Variants in PRKAG2 observed in about 807,000 individuals in gnomAD.
The protein encoded by PRKAG2 is protein kinase AMP-activated non-catalytic subunit gamma 2.
A neutral mutation model predicts 69.6 loss-of-function variants in PRKAG2; 26 were observed. The ratio of observed to expected loss-of-function variants is 0.37; its 90% CI spans 0.27 to 0.52. The LOEUF is 0.52. PRKAG2 is among the 20% of genes least tolerant of loss of function. The pLI is 0.90. For synonymous variants in PRKAG2, 293 were observed against 285.0 expected, an observed-to-expected ratio of 1.03 and a Z score of -0.28; for missense variants, 557 against 740.0, an observed-to-expected ratio of 0.75 and a Z score of 2.87.
At chr7:151,845,609 C>T (rs1164591221) in intron 1 of PRKAG2, among the ~76,000 whole-genome samples, 2 of 152,092 alleles carry the variant, frequency 1.3e-5, no homozygotes, top group East Asian at 1.9e-4. Flanking sequence ...GTGGGGGAGG[C>T]GCTGGGAAGG....
chr7:151,650,116 G>A (rs1193692475), intron 4 of PRKAG2, among the ~76,000 whole-genome samples: 7 of 152,100 alleles, frequency 4.6e-5, no homozygotes, highest in African/African-American at 1.7e-4. Context: ...AGCTACTCAG[G>A]AGCCTGAGGC....
At chr7:151,734,346 C>T (rs983579173) in intron 3 of PRKAG2, 2 of 152,214 alleles carry the variant, frequency 1.3e-5, no homozygotes, top group Non-Finnish European at 2.9e-5. Flanking sequence ...TTCCACTTAA[C>T]ACATCACATT....
At chr7:151,592,502 C>G (rs1186460239) in intron 6 of PRKAG2, among the ~76,000 whole-genome samples, 1 of 152,190 alleles carries the variant, frequency 6.6e-6, no homozygotes, top group Non-Finnish European at 1.5e-5. Flanking sequence ...TGGTGGCACA[C>G]CCTCGCATTC....
rs1806875712 is a variant in PRKAG2, at chr7:151,568,848, G to A, written c.1107-6C>T. The A allele has an allele frequency of 6.2e-7, 1 of 1,613,456 alleles. No individual in the cohort carries two copies. The highest frequency in any genetic ancestry group is 1.3e-5 in the African/African-American group (1 of 74,906). On this transcript the variant is annotated splice_polypyrimidine_tract_variant and splice_region_variant and intron_variant, in intron 10 of 15. Transcript: ENST00000287878. ...AGTATACAGCATCGAAGAGGCTGTG[G>A]GAGAAGTCATTAAAGTTGTTAGGAG...
At chr7:151,674,336 C>G (rs1248702111) in intron 4 of PRKAG2, among the ~76,000 whole-genome samples, 4 of 152,314 alleles carry the variant, frequency 2.6e-5, no homozygotes, top group African/African-American at 9.6e-5. Flanking sequence ...GCCTCCAGAA[C>G]AGTGAGACAG....
At position 151,572,796 on chromosome 7, in the gene PRKAG2, A is replaced by G. The variant is rs1584980607; in HGVS notation, c.1006-87T>C. On this transcript the variant is annotated intron_variant, in intron 8 of 15. Coordinates refer to ENST00000287878, the MANE Select transcript of PRKAG2 (RefSeq NM_016203.4). ...AAATGAAACAAAACATAGCTTGGAT[A>G]ATAGCATTTTCTATTCGCAATTAGA... 3.4e-6 allele frequency: 3 copies of G among 880,656 alleles called. No individual in the cohort carries two copies. In the East Asian group the frequency reaches 8.3e-5, roughly 24 times the overall value. 54.6% of individuals were successfully genotyped at this position (880,656 alleles called of 1,614,324 possible).
At chr7:151,873,079 T>C (rs1016189723) in intron 1 of PRKAG2, among the ~76,000 whole-genome samples, 1 of 152,254 alleles carries the variant, frequency 6.6e-6, no homozygotes, top group Non-Finnish European at 1.5e-5. Context: ...ACTAGGCATC[T>C]TGTATTTTTA....
intron 4 of PRKAG2, among the ~76,000 whole-genome samples, chr7:151,668,993 G>A (rs989865276): frequency 1.3e-5 from 2 of 152,202 alleles, no homozygotes; most frequent in Non-Finnish European, 2.9e-5. Flanking sequence ...CAAACCAATA[G>A]AAGATGACTC....
chr7:151,668,809 G>A (rs1255436514), intron 4 of PRKAG2, among the ~76,000 whole-genome samples: 1 of 152,174 alleles, frequency 6.6e-6, no homozygotes, highest in African/African-American at 2.4e-5. Flanking sequence ...TTCCTTCCGA[G>A]AGCACTCCCT....
chr7:151,752,706 T>C (rs757932046), intron 3 of PRKAG2, among the ~76,000 whole-genome samples: 51 of 152,342 alleles, frequency 3.3e-4, no homozygotes, highest in Non-Finnish European at 5.1e-4. Flanking sequence ...CCAGTCAATG[T>C]AGAATTCATG....
intron 3 of PRKAG2, among the ~76,000 whole-genome samples, chr7:151,702,939 G>T (rs1215291617): frequency 6.6e-6 from 1 of 152,196 alleles, no homozygotes; most frequent in Admixed American, 6.5e-5. Context: ...GGAGCAAGTA[G>T]AGTGAATGTC....
intron 1 of PRKAG2, among the ~76,000 whole-genome samples, chr7:151,817,685 G>T (rs998888831): frequency 6.6e-6 from 1 of 152,204 alleles, no homozygotes; most frequent in Non-Finnish European, 1.5e-5. Context: ...CATGTTTTGA[G>T]TCTATTTTAA....
At chr7:151,672,093 C>T (rs932733193) in intron 4 of PRKAG2, among the ~76,000 whole-genome samples, 1 of 151,704 alleles carries the variant, frequency 6.6e-6, no homozygotes, top group Admixed American at 6.6e-5. Flanking sequence ...CCACCTCTCC[C>T]GGCCACCATT....
intron 4 of PRKAG2, among the ~76,000 whole-genome samples, chr7:151,674,539 G>A (rs981042067): frequency 6.6e-6 from 1 of 152,172 alleles, no homozygotes; most frequent in African/African-American, 2.4e-5. Context: ...GTGACAGCTG[G>A]GGTCTCAGTA....
rs2079157444 is a variant in PRKAG2, at chr7:151,836,835, G to GCCA, written c.114+39669_114+39671dup. ...TGACAAATTCACTTAGGACTAAGAA[G>GCCA]CCACTGAGAATATTCAGTTCTTGGA... On this transcript the variant is annotated intron_variant, in intron 1 of 15. Transcript: ENST00000287878. This position sits in a 1 kb window ranked among gnomAD's most constrained non-coding sequence, Gnocchi z 4.1. Among the ~76,000 whole-genome samples, 2 of 152,178 alleles carry GCCA rather than the reference G, an allele frequency of 1.3e-5. No homozygotes were observed. Among genetic ancestry groups the GCCA allele is most frequent in the Non-Finnish European group, 2.9e-5 (2 of 68,038 alleles).
At chr7:151,724,876 C>T (rs2536070) in intron 3 of PRKAG2, among the ~76,000 whole-genome samples, 126 of 152,272 alleles carry the variant, frequency 8.3e-4, no homozygotes, top group Non-Finnish European at 1.5e-3. Flanking sequence ...CCTTCAGAAA[C>T]TCCGACAGTG....
chr7:151,749,786 GAAAAA>G (rs34229915), intron 3 of PRKAG2, among the ~76,000 whole-genome samples: 1 of 124,904 alleles, frequency 8.0e-6, no homozygotes, highest in Non-Finnish European at 1.7e-5. Context: ...CAACCACACT[GAAAAA>G]AAAAAAAAAA....
At chr7:151,779,253 G>A (rs556259962) in intron 3 of PRKAG2, among the ~76,000 whole-genome samples, 1 of 152,342 alleles carries the variant, frequency 6.6e-6, no homozygotes, top group African/African-American at 2.4e-5. Flanking sequence ...GCTGAACAGT[G>A]GACAGCACCA....
intron 5 of PRKAG2, among the ~76,000 whole-genome samples, chr7:151,597,827 C>CG (rs1554482738): frequency 1.2e-4 from 18 of 149,158 alleles, no homozygotes; most frequent in Non-Finnish European, 2.1e-4. Context: ...GGAGCCCCCC[C>CG]CCCCGCTCTT....
Sources: gnomAD v4.1 joint callset for allele counts (sites outside exome capture counted in the v4.1 genomes callset) on GRCh38, gnomAD v4.1.1 for gene constraint, Gnocchi (gnomAD v3.1) non-coding constraint, MANE v1.5 for transcripts, NCBI Gene and HGNC (gene_info 2026-07-23, HGNC 2026-07-21) for gene names.